NPHP1: variants seen among roughly 807,000 people sequenced by gnomAD.
NPHP1 encodes the protein nephrocystin-1.
A neutral mutation model predicts 90.4 loss-of-function variants in NPHP1; 70 were observed. The observed-to-expected ratio is 0.77, with a 90% CI of 0.64 to 0.95. The LOEUF (loss-of-function observed/expected upper bound fraction) is 0.95, where lower values mean the gene tolerates loss of function less well. NPHP1 is among the 40% of genes least tolerant of loss of function. The pLI is 0.00. For missense variants in NPHP1, 764 were observed against 795.9 expected (o/e 0.96, Z 0.48); for synonymous variants, 256 against 271.7 (o/e 0.94, Z 0.57).
chr2:110,134,733 A>T (rs959011025), intron 16 of NPHP1, among the ~76,000 whole-genome samples: 6 of 152,060 alleles, frequency 3.9e-5, no homozygotes, highest in African/African-American at 1.4e-4. Flanking sequence ...AAGGGGAAAA[A>T]CCCACATTAT....
chr2:110,165,761 GAA>G (rs920334325), intron 6 of NPHP1, among the ~76,000 whole-genome samples: 1 of 151,658 alleles, frequency 6.6e-6, no homozygotes, highest in African/African-American at 2.4e-5. Context: ...AGAAATCAAT[GAA>G]AGAGTTTTTT....
At chr2:110,191,421 C>G (rs1324064916) in intron 2 of NPHP1, among the ~76,000 whole-genome samples, 1 of 152,190 alleles carries the variant, frequency 6.6e-6, no homozygotes, top group African/African-American at 2.4e-5. Context: ...TAATTGCTAG[C>G]ACAGCAGTCT....
chr2:110,165,210 T>C, intron 6 of NPHP1, 55 bp from the exon 7 acceptor site: 1 of 1,345,784 alleles, frequency 7.4e-7, no homozygotes, highest in Admixed American at 1.7e-5. Context: ...AAACAACCAA[T>C]AAAAATACCA....
At chr2:110,169,039 G>A (rs192603111) in intron 5 of NPHP1, among the ~76,000 whole-genome samples, 11 of 151,684 alleles carry the variant, frequency 7.3e-5, no homozygotes, top group Non-Finnish European at 1.2e-4. Flanking sequence ...GATATGTTTT[G>A]AATAACACTC....
chr2:110,161,578 T>C, intron 10 of NPHP1, 25 bp downstream of exon 10: 1 of 1,461,704 alleles, frequency 6.8e-7, no homozygotes, highest in Non-Finnish European at 9.6e-7. Flanking sequence ...AGAGTTACAC[T>C]TTTACTGATA....
At chr2:110,156,040 T>C (rs1445514028) in intron 11 of NPHP1, among the ~76,000 whole-genome samples, 2 of 151,364 alleles carry the variant, frequency 1.3e-5, no homozygotes, top group African/African-American at 2.4e-5. Context: ...AGGAAACCAG[T>C]AGGAAGTGAT....
chr2:110,202,801 A>T (rs1685658869), intron 1 of NPHP1, among the ~76,000 whole-genome samples: 1 of 152,176 alleles, frequency 6.6e-6, no homozygotes, highest in Non-Finnish European at 1.5e-5. Flanking sequence ...ACAAGAAAAG[A>T]GTACACATAT....
rs1682860535 is a variant in NPHP1, at chr2:110,168,403, G to GC, written c.624+48dup. The GC allele has an allele frequency of 3.7e-6, 4 of 1,088,380 alleles. No homozygotes were observed. In the Admixed American group the frequency reaches 7.3e-5, roughly 20 times the overall value. 67.4% of individuals were successfully genotyped at this position (1,088,380 alleles called of 1,614,324 possible). On this transcript the variant is annotated intron_variant, in intron 6 of 19. Transcript: ENST00000445609. ...AACACAGCTAAATGTTTTATTAAAAGCGAAAAAAAAAAAAGTCTTAGAAAA... is the reference window on the plus strand; with the variant it reads ...AACACAGCTAAATGTTTTATTAAAAGCCGAAAAAAAAAAAAGTCTTAGAAAA...
At chr2:110,167,648 A>G (rs1308572361) in intron 6 of NPHP1, among the ~76,000 whole-genome samples, 1 of 152,082 alleles carries the variant, frequency 6.6e-6, no homozygotes, top group East Asian at 1.9e-4. Flanking sequence ...ATTCTAGTAA[A>G]TTACTGAACC....
intron 4 of NPHP1, among the ~76,000 whole-genome samples, chr2:110,171,324 G>C (rs539053923): frequency 7.9e-5 from 12 of 152,224 alleles, no homozygotes; most frequent in East Asian, 7.7e-4. Flanking sequence ...ACAAAACCAA[G>C]ATCTTTGCCC....
At chr2:110,167,641 C>T (rs1682808912) in intron 6 of NPHP1, among the ~76,000 whole-genome samples, 1 of 152,082 alleles carries the variant, frequency 6.6e-6, no homozygotes, top group Non-Finnish European at 1.5e-5. Flanking sequence ...GTGAATCATT[C>T]TAGTAAATTA....
intron 17 of NPHP1, among the ~76,000 whole-genome samples, chr2:110,130,802 T>A (rs1679720735): frequency 6.6e-6 from 1 of 152,166 alleles, no homozygotes; most frequent in Non-Finnish European, 1.5e-5. Context: ...TCACATCTTT[T>A]GTTAAATATT....
At chr2:110,204,009 A>G (rs567925434) in intron 1 of NPHP1, among the ~76,000 whole-genome samples, 1 of 152,110 alleles carries the variant, frequency 6.6e-6, no homozygotes, top group Non-Finnish European at 1.5e-5. Context: ...CAGAAATACC[A>G]TATTAGCCTG....
At chr2:110,125,389 TC>T in intron 19 of NPHP1, 2 of 1,427,962 alleles carry the variant, frequency 1.4e-6, no homozygotes, top group South Asian at 2.6e-5. Flanking sequence ...CTTAGAAACT[TC>T]CCCTTTATTT....
At chr2:110,156,800 CAG>C (rs1681929232) in intron 11 of NPHP1, among the ~76,000 whole-genome samples, 3 of 138,126 alleles carry the variant, frequency 2.2e-5, no homozygotes, top group African/African-American at 8.0e-5. Flanking sequence ...TTTTTTGAGA[CAG>C]AGTTTCTCTC....
intron 14 of NPHP1, among the ~76,000 whole-genome samples, chr2:110,145,218 G>A (rs942374641): frequency 1.3e-5 from 2 of 152,084 alleles, no homozygotes; most frequent in Non-Finnish European, 2.9e-5. Context: ...AGGTAAAAGA[G>A]CCCTTTAATT....
intron 2 of NPHP1, among the ~76,000 whole-genome samples, chr2:110,190,265 G>T (rs1684616122): frequency 6.6e-6 from 1 of 152,202 alleles, no homozygotes; most frequent in Non-Finnish European, 1.5e-5. Flanking sequence ...CGATGGGACT[G>T]GGCACTGTGG....
At chr2:110,181,122 G>T (rs1683874217) in intron 2 of NPHP1, among the ~76,000 whole-genome samples, 1 of 152,196 alleles carries the variant, frequency 6.6e-6, no homozygotes, top group Non-Finnish European at 1.5e-5. Flanking sequence ...AACCAAAGCA[G>T]TCTGGAATCT....
chr2:110,170,100 G>A (rs554213270), intron 4 of NPHP1, 102 bp from the exon 5 acceptor site: 9 of 1,427,828 alleles, frequency 6.3e-6, no homozygotes, highest in South Asian at 5.8e-5. Context: ...CATATTTGGA[G>A]CTGGCAAATA....
Sources: gnomAD v4.1 joint callset for allele counts (sites outside exome capture counted in the v4.1 genomes callset) on GRCh38, gnomAD v4.1.1 for gene constraint, MANE v1.5 for transcripts, NCBI Gene and HGNC (gene_info 2026-07-23, HGNC 2026-07-21) for gene names.